B4GALT6: variants seen among roughly 807,000 people sequenced by gnomAD.
B4GALT6 encodes the protein beta-1,4-galactosyltransferase 6.
B4GALT6 carries 14 observed loss-of-function variants against 46.3 expected under a neutral mutation model. The observed-to-expected ratio is 0.30, with a 90% confidence interval of 0.20 to 0.47. The LOEUF is 0.47. B4GALT6 is among the 20% of genes least tolerant of loss of function. The probability of loss-of-function intolerance (pLI) is 0.99; values close to 1 mark genes in which losing one functional copy is unlikely to be tolerated. For missense variants in B4GALT6, 386 were observed against 480.1 expected (o/e 0.80, Z 1.83); for synonymous variants, 168 against 162.0 (o/e 1.04, Z -0.28).
chr18:31,660,768 T>C (rs565932608), intron 2 of B4GALT6, among the ~76,000 whole-genome samples: 2 of 152,036 alleles, frequency 1.3e-5, no homozygotes, highest in South Asian at 4.2e-4. Flanking sequence ...AATATAAAAA[T>C]ATTTTGGAGA....
intron 5 of B4GALT6, among the ~76,000 whole-genome samples, chr18:31,638,382 C>A (rs543349349): frequency 6.6e-6 from 1 of 152,120 alleles, no homozygotes; most frequent in Non-Finnish European, 1.5e-5. Context: ...AAAAAATTAG[C>A]CGGGCGTGGT....
Position 31,684,545 on chromosome 18 carries a change from G to C in B4GALT6, c.-119C>G. On this transcript the variant is annotated 5_prime_UTR_variant, in exon 1 of 9. Transcript: ENST00000306851. ...CCCGAGACTGCAGCGGGGTCCGCGCGGGGAGGCTCTGGGGAGAGGGCCCGA... is the reference window on the plus strand; with the variant it reads ...CCCGAGACTGCAGCGGGGTCCGCGCCGGGAGGCTCTGGGGAGAGGGCCCGA... The C allele has an allele frequency of 2.0e-6, 3 of 1,492,344 alleles. No individual in the cohort carries two copies. Among genetic ancestry groups the C allele is most frequent in the Non-Finnish European group, 2.7e-6 (3 of 1,119,120 alleles). The allele number at this position is 1,492,344 out of a possible 1,614,324, so 92.4% of individuals were successfully genotyped here.
At chr18:31,708,598 T>G in the B4GALT6 span, among the ~76,000 whole-genome samples, 1 of 151,744 alleles carries the variant, frequency 6.6e-6, no homozygotes, top group African/African-American at 2.4e-5. Flanking sequence ...AAATTAAAAT[T>G]AAAAAAACCA....
the B4GALT6 span, among the ~76,000 whole-genome samples, chr18:31,711,813 C>G: frequency 6.6e-6 from 1 of 152,148 alleles, no homozygotes; most frequent in Non-Finnish European, 1.5e-5. Flanking sequence ...GCTCCTTATC[C>G]CTTTTTCAGA....
chr18:31,672,004 A>T (rs2074362489), intron 1 of B4GALT6, among the ~76,000 whole-genome samples: 1 of 152,250 alleles, frequency 6.6e-6, no homozygotes, highest in African/African-American at 2.4e-5. Flanking sequence ...AACTTGTCTA[A>T]TTCTTCACTT....
rs760012180 is a variant in B4GALT6, at chr18:31,645,467, T to C, written c.359A>G (p.Asn120Ser). The C allele has an allele frequency of 3.7e-6, 6 of 1,608,838 alleles. No homozygotes were observed. The highest frequency in any genetic ancestry group is 2.7e-5 in the African/African-American group (2 of 74,770). ...EKLPYMRGFL[N>S]VNVSEVSFDE... ...AAAACTGACTTCGCTTACATTGACA[T>C]TGAGGAATCCTCCTACAAATTAAAA... Residue 120 changes from asparagine to serine, a missense_variant, in exon 4 of 9, where the codon AAT (asparagine) becomes AGT (serine). Around this residue, in one of 2 missense-constraint regions of B4GALT6, gnomAD observed 323 missense variants for 438.9 expected, o/e 0.74. Coordinates refer to ENST00000306851, the MANE Select transcript of B4GALT6 (RefSeq NM_004775.5).
chr18:31,719,438 G>A, the B4GALT6 span, among the ~76,000 whole-genome samples: 1 of 152,150 alleles, frequency 6.6e-6, no homozygotes, highest in Non-Finnish European at 1.5e-5. Flanking sequence ...GGAAGCTTGG[G>A]GCTAGTTGTT....
the B4GALT6 span, among the ~76,000 whole-genome samples, chr18:31,699,274 CTTTT>C: frequency 7.3e-6 from 1 of 136,280 alleles, no homozygotes; most frequent in Admixed American, 7.4e-5. Flanking sequence ...TTCTTTCTTT[CTTTT>C]TTTTTTTTTT....
the B4GALT6 span, among the ~76,000 whole-genome samples, chr18:31,713,146 A>G: frequency 2.6e-5 from 4 of 152,112 alleles, no homozygotes; most frequent in African/African-American, 9.7e-5. Context: ...TGAGCCTGGG[A>G]GTTCAAGACC....
chr18:31,708,011 T>C, the B4GALT6 span, among the ~76,000 whole-genome samples: 1 of 152,210 alleles, frequency 6.6e-6, no homozygotes, highest in African/African-American at 2.4e-5. Context: ...ATCTTTTTGA[T>C]GGCTGCATAG....
chr18:31,696,336 A>G, the B4GALT6 span, among the ~76,000 whole-genome samples: 1 of 152,178 alleles, frequency 6.6e-6, no homozygotes, highest in Non-Finnish European at 1.5e-5. Flanking sequence ...AATAGAAAAA[A>G]GTTCAAAAAT....
At chr18:31,671,870 C>G (rs1379161009) in intron 1 of B4GALT6, among the ~76,000 whole-genome samples, 2 of 152,068 alleles carry the variant, frequency 1.3e-5, no homozygotes, top group Admixed American at 1.3e-4. Context: ...ACTTCTTTAC[C>G]AGTTCTGCTT....
intron 1 of B4GALT6, among the ~76,000 whole-genome samples, chr18:31,666,959 T>C (rs1450681555): frequency 2.0e-5 from 3 of 152,194 alleles, no homozygotes; most frequent in African/African-American, 4.8e-5. Context: ...TCTACCAGGA[T>C]GGTAAAAGCA....
rs117016440 is a variant in B4GALT6 at position 31,651,820 on chromosome 18, A to G, written c.346+6156T>C. Among the ~76,000 whole-genome samples, 1,024 of 152,098 alleles carry G rather than the reference A, an allele frequency of 6.7e-3. 5 individuals carry two copies. Among genetic ancestry groups the G allele is most frequent in the Non-Finnish European group, 0.011 (754 of 67,986 alleles). Reference sequence around the variant, plus strand: ...GAGTCTCCCTCTGTTTCCCAGGCTGAAGTGCAGTGGCGAGATCTCAGCTCA... The same window carrying G: ...GAGTCTCCCTCTGTTTCCCAGGCTGGAGTGCAGTGGCGAGATCTCAGCTCA... On this transcript the variant is annotated intron_variant, in intron 3 of 8. Transcript: ENST00000306851.
At chr18:31,705,433 G>A in the B4GALT6 span, among the ~76,000 whole-genome samples, 1 of 152,146 alleles carries the variant, frequency 6.6e-6, no homozygotes, top group African/African-American at 2.4e-5. Context: ...TTGTCGCCCA[G>A]GCTGGAGTGC....
At chr18:31,651,096 T>C (rs533289584) in intron 3 of B4GALT6, among the ~76,000 whole-genome samples, 8 of 144,486 alleles carry the variant, frequency 5.5e-5, no homozygotes, top group Admixed American at 3.4e-4. Flanking sequence ...GTGTAGATCA[T>C]CTGAATCACA....
chr18:31,696,970 T>G, the B4GALT6 span, among the ~76,000 whole-genome samples: 1 of 152,222 alleles, frequency 6.6e-6, no homozygotes, highest in East Asian at 1.9e-4. Flanking sequence ...CAAGTGACTT[T>G]AAGAGAGCCA....
intron 2 of B4GALT6, among the ~76,000 whole-genome samples, chr18:31,665,916 G>C (rs1385373216): frequency 6.6e-6 from 1 of 152,202 alleles, no homozygotes; most frequent in Non-Finnish European, 1.5e-5. Context: ...AACATAAAGA[G>C]AGATGGTAGT....
chr18:31,715,844 C>T, the B4GALT6 span, among the ~76,000 whole-genome samples: 102 of 152,020 alleles, frequency 6.7e-4, 2 homozygotes, highest in East Asian at 1.9e-4. Context: ...CTGCTATGCC[C>T]GGCCAGGAAC....
Sources: allele counts gnomAD v4.1 joint callset (sites outside exome capture counted in the v4.1 genomes callset), GRCh38; gene constraint gnomAD v4.1.1; regional missense constraint gnomAD v4.1.1; transcripts MANE v1.5; gene names NCBI Gene and HGNC (gene_info 2026-07-23, HGNC 2026-07-21).